Variants in PCDHA8 observed in about 807,000 individuals in gnomAD.
The protein encoded by PCDHA8 is protocadherin alpha 8.
PCDHA8 carries 53 observed loss-of-function variants against 61.8 expected under a neutral mutation model. That is an observed-to-expected ratio of 0.86 (90% CI 0.69 to 1.08). The LOEUF (loss-of-function observed/expected upper bound fraction) is 1.08, where lower values mean the gene tolerates loss of function less well. Among genes scored for constraint, PCDHA8 ranks in the 50% least tolerant of loss-of-function variants. PCDHA8 has a pLI of 0.00. For missense variants in PCDHA8, 1,293 were observed against 1,245.0 expected, an observed-to-expected ratio of 1.04 and a Z score of -0.58; for synonymous variants, 618 against 556.6, an observed-to-expected ratio of 1.11 and a Z score of -1.55.
intron 1 of PCDHA8, among the ~76,000 whole-genome samples, chr5:140,974,111 T>C (rs1475006775): frequency 2.0e-5 from 3 of 152,280 alleles, no homozygotes; most frequent in Non-Finnish European, 4.4e-5. Flanking sequence ...AAGTATTCTT[T>C]TGCAGTGTTT....
intron 3 of PCDHA8, among the ~76,000 whole-genome samples, chr5:140,996,923 A>G (rs1385919756): frequency 6.6e-6 from 1 of 152,230 alleles, no homozygotes; most frequent in Non-Finnish European, 1.5e-5. Flanking sequence ...ATATTAAAAA[A>G]TATAGCATTT....
chr5:140,844,829 G>T (rs1252495421), intron 1 of PCDHA8, among the ~76,000 whole-genome samples: 2 of 148,848 alleles, frequency 1.3e-5, no homozygotes, highest in Non-Finnish European at 3.0e-5. Flanking sequence ...CTTTTTACAC[G>T]TTTGCTTCTT....
Position 141,012,299 on chromosome 5 carries a change from A to G in PCDHA8, c.*2362A>G, listed in dbSNP as rs1554263904. 1 of 153,754 alleles carries G rather than the reference A, an allele frequency of 6.5e-6. No homozygotes were observed. Among genetic ancestry groups the G allele is most frequent in the African/African-American group, 2.4e-5 (1 of 41,456 alleles). The allele number at this position is 153,754 out of a possible 1,614,324, so 9.5% of individuals were successfully genotyped here. A position where few individuals can be genotyped will look rare whatever the true frequency, so the allele number is the denominator to read the frequency against. ...TGTGGATTCATTTTGAATTGGTGCT[A>G]TTGGTATTTCCTCTGTTATTGCTAA... On this transcript the variant is annotated 3_prime_UTR_variant, in exon 4 of 4. Transcript: ENST00000531613.
chr5:140,892,534 T>C (rs1554185241), intron 1 of PCDHA8, among the ~76,000 whole-genome samples: 2 of 152,254 alleles, frequency 1.3e-5, no homozygotes, highest in African/African-American at 2.4e-5. Context: ...CTCAGGATTC[T>C]GACTTTTGTT....
rs183652630 is a variant in PCDHA8 at position 140,854,028 on chromosome 5, G to A, written c.2394+10313G>A. 2.2e-3 allele frequency: 685 copies of A among 307,422 alleles called. 24 individuals are homozygous for A. The highest frequency in any genetic ancestry group is 3.0e-3 in the Non-Finnish European group (614 of 202,590). 19.0% of individuals were successfully genotyped at this position (307,422 alleles called of 1,614,324 possible). A position where few individuals can be genotyped will look rare whatever the true frequency, so the allele number is the denominator to read the frequency against. On this transcript the variant is annotated intron_variant, in intron 1 of 3. Transcript: ENST00000531613. ...AAAAAAAAAATTAGCCGGGCATGGTGGCACACATCTCTAGTCCCAATTACT... is the reference window on the plus strand; with the variant it reads ...AAAAAAAAAATTAGCCGGGCATGGTAGCACACATCTCTAGTCCCAATTACT...
intron 1 of PCDHA8, chr5:140,857,488 C>T: frequency 6.3e-7 from 1 of 1,598,442 alleles, no homozygotes; most frequent in Non-Finnish European, 8.6e-7. Flanking sequence ...CTGCGTGGGA[C>T]GCGGACGCGC....
At chr5:140,999,521 T>C (rs1554256849) in intron 3 of PCDHA8, among the ~76,000 whole-genome samples, 1 of 152,106 alleles carries the variant, frequency 6.6e-6, no homozygotes, top group Non-Finnish European at 1.5e-5. Flanking sequence ...AGCATTTTGT[T>C]ACCCCCTGGA....
chr5:140,884,484 T>C, intron 1 of PCDHA8: 2 of 1,613,922 alleles, frequency 1.2e-6, no homozygotes, highest in Non-Finnish European at 1.7e-6. Context: ...AAGCCCACTC[T>C]AGTGTGCTCC....
At chr5:140,858,548 T>A in intron 1 of PCDHA8, 1 of 1,394,090 alleles carries the variant, frequency 7.2e-7, no homozygotes, top group African/African-American at 1.4e-5. Flanking sequence ...ATTCCATTTA[T>A]GCTTGAATAT....
Position 140,841,743 on chromosome 5 carries a change from T to A in PCDHA8, c.422T>A (p.Phe141Tyr), listed in dbSNP as rs1554138513. ...PVFRVKDQKL[F>Y]VSESRMPDSR... Reference sequence around the variant, plus strand: ...TTCCGGGTAAAAGACCAAAAGCTGTTTGTTTCAGAATCCAGAATGCCAGAC... The same window carrying A: ...TTCCGGGTAAAAGACCAAAAGCTGTATGTTTCAGAATCCAGAATGCCAGAC... Residue 141 changes from phenylalanine (F) to tyrosine (Y), a missense_variant, in exon 1 of 4, where the codon TTT becomes TAT. Transcript: ENST00000531613. 6.2e-7 allele frequency: 1 copy of A among 1,613,818 alleles called. No individual in the cohort carries two copies. The highest frequency in any genetic ancestry group is 1.7e-5 in the Admixed American group (1 of 59,990).
chr5:140,924,766 G>A (rs543178519), intron 1 of PCDHA8, among the ~76,000 whole-genome samples: 1 of 151,878 alleles, frequency 6.6e-6, no homozygotes, highest in East Asian at 1.9e-4. Context: ...ATGGTGGTGC[G>A]CGCTTGTAGT....
intron 1 of PCDHA8, among the ~76,000 whole-genome samples, chr5:140,972,152 A>T (rs1481801555): frequency 6.6e-6 from 1 of 151,770 alleles, no homozygotes; most frequent in African/African-American, 2.4e-5. Context: ...TTTTATTTTT[A>T]TTTTTTTGAG....
chr5:141,000,391 C>CTATA (rs2097912428), intron 3 of PCDHA8, among the ~76,000 whole-genome samples: 2 of 56,664 alleles, frequency 3.5e-5, no homozygotes, highest in Non-Finnish European at 6.1e-5. Context: ...CTCTCTCTCT[C>CTATA]TCTCTATATA....
intron 1 of PCDHA8, among the ~76,000 whole-genome samples, chr5:140,917,535 T>C (rs2078248743): frequency 3.3e-5 from 5 of 152,278 alleles, no homozygotes; most frequent in South Asian, 4.1e-4. Flanking sequence ...TTGTATAGTT[T>C]TAGGTTTTAC....
chr5:140,897,281 C>T lies in PCDHA8; in HGVS notation c.2394+53566C>T, dbSNP rs1583262674. On this transcript the variant is annotated intron_variant, in intron 1 of 3. Coordinates refer to ENST00000531613, the MANE Select transcript of PCDHA8 (RefSeq NM_018911.3). ...ATGTGCCATGCTGGTGTGCTGCACC[C>T]ATTAACTCGTCATTTAGCATTAGGT... Among the ~76,000 whole-genome samples, 6 of 151,664 alleles carry T rather than the reference C, an allele frequency of 4.0e-5. No homozygotes were observed. In the South Asian group the frequency reaches 1.2e-3, roughly 32 times the overall value.
chr5:140,950,237 A>C (rs1192417956), intron 1 of PCDHA8, among the ~76,000 whole-genome samples: 1 of 151,954 alleles, frequency 6.6e-6, no homozygotes, highest in African/African-American at 2.4e-5. Context: ...AGTGCCATTA[A>C]TTTGTTCCTA....
intron 1 of PCDHA8, chr5:140,867,147 C>T (rs1554160998): frequency 6.6e-6 from 1 of 152,068 alleles, no homozygotes; most frequent in East Asian, 1.9e-4. Flanking sequence ...TATCATTTTT[C>T]CAGAGTAAAC....
chr5:140,893,781 G>C (rs113070458), intron 1 of PCDHA8, among the ~76,000 whole-genome samples: 1 of 151,996 alleles, frequency 6.6e-6, no homozygotes, highest in Non-Finnish European at 1.5e-5. Context: ...TTCTTTTACC[G>C]TTTTTAGAAT....
chr5:140,882,542 C>A, intron 1 of PCDHA8: 5 of 1,614,166 alleles, frequency 3.1e-6, no homozygotes, highest in Non-Finnish European at 3.4e-6. Context: ...TCGGATCGAC[C>A]GCGAGGAGCT....
Sources: gnomAD v4.1 joint callset for allele counts (sites outside exome capture counted in the v4.1 genomes callset) on GRCh38, gnomAD v4.1.1 for gene constraint, MANE v1.5 for transcripts, NCBI Gene and HGNC (gene_info 2026-07-23, HGNC 2026-07-21) for gene names.